Variants in LIPE observed in about 807,000 individuals in gnomAD.
LIPE encodes hormone-sensitive lipase.
A neutral mutation model predicts 88.5 loss-of-function variants in LIPE; 66 were observed. The observed-to-expected ratio is 0.75, with a 90% CI of 0.61 to 0.91. LIPE has a LOEUF of 0.91. Ranked by LOEUF, LIPE falls within the 40% of genes least tolerant of loss-of-function variation. LIPE has a pLI of 0.00. For synonymous variants in LIPE, 570 were observed against 617.5 expected (o/e 0.92, Z 1.14); for missense variants, 1,346 against 1,434.7 (o/e 0.94, Z 1.00).
rs770239857 is a variant in LIPE, at chr19:42,410,691, C to A, written c.1035G>T (p.Ala345=). 6.2e-7 allele frequency: 1 copy of A among 1,612,906 alleles called. No homozygotes were observed. Among genetic ancestry groups the A allele is most frequent in the South Asian group, 1.1e-5 (1 of 91,016 alleles). ...SGVFAGVREQ[A]LGLEPALGRL... Reference sequence around the variant, plus strand: ...GGCCCAGGGCCGGCTCCAGCCCCAGCGCCTGCTCCCGTACACCGGCAAAAA... The same window carrying A: ...GGCCCAGGGCCGGCTCCAGCCCCAGAGCCTGCTCCCGTACACCGGCAAAAA... The change falls in exon 2 of 10, where the codon GCG becomes GCT. Residue 345 remains alanine, a synonymous_variant. Coordinates refer to ENST00000244289, the MANE Select transcript of LIPE (RefSeq NM_005357.4). The surrounding 1 kb of genome is among the most constrained non-coding windows in gnomAD (Gnocchi z 6.1).
At chr19:42,412,660 G>T in intron 1 of LIPE, 1 of 720,204 alleles carries the variant, frequency 1.4e-6, no homozygotes, top group Non-Finnish European at 1.7e-6. Flanking sequence ...TCCTCCCTCA[G>T]ACCCAGGAGT....
In LIPE at chr19:42,406,045, G is replaced by T; in HGVS notation, c.2365+116C>A. 1.2e-6 allele frequency: 1 copy of T among 804,696 alleles called. No homozygotes were observed. The highest frequency in any genetic ancestry group is 2.0e-6 in the Non-Finnish European group (1 of 507,452). 49.8% of individuals were successfully genotyped at this position (804,696 alleles called of 1,614,324 possible). On this transcript the variant is annotated intron_variant, in intron 7 of 9. Transcript: ENST00000244289. The surrounding 1 kb of genome is among the most constrained non-coding windows in gnomAD (Gnocchi z 5.7). Reference sequence around the variant, plus strand: ...GAAAAAAAAGGGACAAGGAGTCTTAGATTCCTCTGCCTGGCCTCTCCTTCC... The same window carrying T: ...GAAAAAAAAGGGACAAGGAGTCTTATATTCCTCTGCCTGGCCTCTCCTTCC...
chr19:42,424,469 T>C (rs528247747), intron 1 of LIPE: 11 of 456,328 alleles, frequency 2.4e-5, no homozygotes, highest in African/African-American at 1.4e-4. Context: ...GACTGTGCTC[T>C]GGAGGCCTGG....
chr19:42,427,344 A>G lies in LIPE; in HGVS notation c.-195T>C, dbSNP rs1228385524. On this transcript the variant is annotated 5_prime_UTR_variant, in exon 1 of 10. Transcript: ENST00000244289. ...GGCCGATCACAGCTGGCCCCCACTA[A>G]GTAATGAACTCTGTGCCTCTTTCTT... 1.0e-6 allele frequency: 1 copy of G among 969,594 alleles called. No individual in the cohort carries two copies. Among genetic ancestry groups the G allele is most frequent in the Non-Finnish European group, 1.4e-6 (1 of 703,376 alleles). The allele number at this position is 969,594 out of a possible 1,614,324, so 60.1% of individuals were successfully genotyped here.
chr19:42,422,547 G>A (rs1000256612), intron 1 of LIPE, among the ~76,000 whole-genome samples: 1 of 152,150 alleles, frequency 6.6e-6, no homozygotes, highest in Non-Finnish European at 1.5e-5. Flanking sequence ...GGCAGGGGAA[G>A]CAATGAGTTT....
chr19:42,416,580 T>C (rs1422137896), intron 1 of LIPE, among the ~76,000 whole-genome samples: 1 of 152,222 alleles, frequency 6.6e-6, no homozygotes, highest in East Asian at 1.9e-4. Flanking sequence ...TGTTAGGGGC[T>C]AATGCAGCTG....
chr19:42,413,846 CAGGA>C (rs2040434470), intron 1 of LIPE, among the ~76,000 whole-genome samples: 1 of 152,144 alleles, frequency 6.6e-6, no homozygotes, highest in Non-Finnish European at 1.5e-5. Flanking sequence ...ATATATGAAG[CAGGA>C]AGGAAGGCAT....
In LIPE at chr19:42,408,064, C is replaced by T. The variant is rs142855322; in HGVS notation, c.1568G>A (p.Arg523His). The change falls in exon 4 of 10, where the codon CGT (arginine) becomes CAT (histidine). Residue 523 changes from arginine to histidine, a missense_variant. Transcript: ENST00000244289. This position sits in a 1 kb window ranked among gnomAD's most constrained non-coding sequence, Gnocchi z 4.3. ...TGTGATCCGCTCAAACTCAGCCCCA[C>T]GCAGCTCGGGGTCGATGGCAAAGCG... ...SGRFAIDPEL[R>H]GAEFERITQN... 545 of 1,613,910 alleles carry T rather than the reference C, an allele frequency of 3.4e-4. No individual in the cohort carries two copies. Among genetic ancestry groups the T allele is most frequent in the Non-Finnish European group, 3.2e-4 (376 of 1,179,900 alleles).
Position 42,409,250 on chromosome 19 carries a change from A to G in LIPE, c.1420-928T>C, listed in dbSNP as rs549953818. Among the ~76,000 whole-genome samples, 34 of 152,210 alleles carry G rather than the reference A, an allele frequency of 2.2e-4. No homozygotes were observed. In the East Asian group the frequency reaches 6.4e-3, roughly 29 times the overall value. On this transcript the variant is annotated intron_variant, in intron 2 of 9. Coordinates refer to ENST00000244289, the MANE Select transcript of LIPE (RefSeq NM_005357.4). ...ACAGCGTCTGACAGAGCAGACAGGC[A>G]GTTAAGGAAAGACAGTGGGGTCCAG...
rs371070286 is a variant in LIPE at position 42,410,323 on chromosome 19, C to T, written c.1403G>A (p.Arg468His). The T allele has an allele frequency of 1.2e-5, 19 of 1,589,470 alleles. No homozygotes were observed. Among genetic ancestry groups the T allele is most frequent in the Admixed American group, 5.3e-5 (3 of 56,464 alleles). ...VTLHKGCFYG[R>H]CLGFQFTPAI... ...GGGGCTCACCTGGAAGCCCAGGCAG[C>T]GGCCATAGAAGCATCCCTTATGCAG... The change falls in exon 2 of 10, where the codon CGC becomes CAC. Residue 468 changes from arginine (R) to histidine (H), a missense_variant. By Grantham distance (29) the Arg-to-His change is conservative. Transcript: ENST00000244289. This position sits in a 1 kb window ranked among gnomAD's most constrained non-coding sequence, Gnocchi z 6.1.
Position 42,410,810 on chromosome 19 carries a change from T to G in LIPE, c.916A>C (p.Thr306Pro). 1 of 1,580,682 alleles carries G rather than the reference T, an allele frequency of 6.3e-7. No individual in the cohort carries two copies. The highest frequency in any genetic ancestry group is 8.6e-7 in the Non-Finnish European group (1 of 1,160,314). The change falls in exon 2 of 10, where the codon ACA becomes CCA. Residue 306 changes from threonine (T) to proline (P), a missense_variant. Thr to Pro is a conservative substitution (Grantham distance 38). Transcript: ENST00000244289. This position sits in a 1 kb window ranked among gnomAD's most constrained non-coding sequence, Gnocchi z 6.1. Reference sequence around the variant, plus strand: ...AGAGTCACCAGCGACTGTGTCATTGTGCGCAGGTCCATGTTGTGGATGAGC... The same window carrying G: ...AGAGTCACCAGCGACTGTGTCATTGGGCGCAGGTCCATGTTGTGGATGAGC... ...SRLIHNMDLR[T>P]MTQSLVTLAE... is the part of the protein sequence containing the mutation.
intron 9 of LIPE, among the ~76,000 whole-genome samples, chr19:42,402,313 T>A (rs2040005949): frequency 6.6e-6 from 1 of 151,704 alleles, no homozygotes; most frequent in African/African-American, 2.4e-5. Flanking sequence ...CTCCAGCCTC[T>A]CCCTCCCCAC....
chr19:42,426,937 G>C lies in LIPE; in HGVS notation c.213C>G (p.Ser71=), dbSNP rs755067940. 6.2e-7 allele frequency: 1 copy of C among 1,614,068 alleles called. No homozygotes were observed. The change falls in exon 1 of 10, where the codon TCC becomes TCG. Residue 71 remains serine (S), a synonymous_variant. Transcript: ENST00000244289. ...QETPAQHDAE[S]QKEPRAQQKS... ...TTTGTTGGGCTCTAGGTTCCTTCTG[G>C]GATTCAGCATCATGTTGTGCAGGGG...
intron 1 of LIPE, chr19:42,424,424 G>T (rs1005063999): frequency 1.5e-5 from 7 of 456,182 alleles, no homozygotes; most frequent in Non-Finnish European, 3.1e-5. Context: ...AGGCAACCTC[G>T]CCCGCCGCGG....
At chr19:42,424,526 C>A (rs974896848) in intron 1 of LIPE, 4 of 456,216 alleles carry the variant, frequency 8.8e-6, no homozygotes, top group Non-Finnish European at 1.8e-5. Flanking sequence ...GGCCTCAATC[C>A]CTGCCTTTGC....
chr19:42,405,976 T>TCTCA (rs1367305518), intron 7 of LIPE, 185 bp downstream of exon 7: 4,450 of 417,518 alleles, frequency 0.011, 21 homozygotes, highest in Admixed American at 0.016. Flanking sequence ...TCTCTCTCTC[T>TCTCA]CACACACACA....
rs35078628 is a variant in LIPE at position 42,411,876 on chromosome 19, T to C, written c.884-1034A>G. ...CTGTGTGTTTGCTGCTTTAGCGTGCTAACCCTCTGGGACCCACACCACCTA... is the reference window on the plus strand; with the variant it reads ...CTGTGTGTTTGCTGCTTTAGCGTGCCAACCCTCTGGGACCCACACCACCTA... On this transcript the variant is annotated intron_variant, in intron 1 of 9. Coordinates refer to ENST00000244289, the MANE Select transcript of LIPE (RefSeq NM_005357.4). Among the ~76,000 whole-genome samples the C allele has an allele frequency of 8.1e-3, 1,227 of 152,350 alleles. 10 individuals are homozygous for C. Among genetic ancestry groups the C allele is most frequent in the Non-Finnish European group, 0.013 (909 of 68,030 alleles).
chr19:42,417,221 A>G (rs1052023214), intron 1 of LIPE, among the ~76,000 whole-genome samples: 1 of 152,042 alleles, frequency 6.6e-6, no homozygotes, highest in African/African-American at 2.4e-5. Context: ...CGCCCGGCCA[A>G]TTTCAACTTT....
Position 42,402,914 on chromosome 19 carries a change from G to A in LIPE, c.2660C>T (p.Thr887Met), listed in dbSNP as rs1021277929. The change falls in exon 9 of 10, where the codon ACG (threonine) becomes ATG (methionine). Residue 887 changes from threonine to methionine, a missense_variant. Physicochemically the swap from Thr to Met is moderately conservative, Grantham distance 81 (BLOSUM62 -1). Transcript: ENST00000244289. ...RDLSLRGNSE[T>M]SSDTPEMSLS... is the part of the protein sequence containing the mutation. ...CGACATCTCGGGGGTGTCCGACGACGTCTCGGAGTTTCCCCTCAGGCTCAA... is the reference window on the plus strand; with the variant it reads ...CGACATCTCGGGGGTGTCCGACGACATCTCGGAGTTTCCCCTCAGGCTCAA... The A allele has an allele frequency of 7.4e-6, 12 of 1,612,032 alleles. No homozygotes were observed. The highest frequency in any genetic ancestry group is 3.3e-5 in the Admixed American group (2 of 59,974).
Sources: allele counts gnomAD v4.1 joint callset (sites outside exome capture counted in the v4.1 genomes callset), GRCh38; gene constraint gnomAD v4.1.1; non-coding constraint Gnocchi (gnomAD v3.1); transcripts MANE v1.5; gene names NCBI Gene and HGNC (gene_info 2026-07-23, HGNC 2026-07-21).